The following PCSK6 variants were observed in gnomAD, a reference collection of about 807,000 sequenced individuals.
PCSK6 encodes paired basic amino acid cleaving enzyme 4.
A neutral mutation model predicts 123.3 loss-of-function variants in PCSK6; 85 were observed. The ratio of observed to expected loss-of-function variants is 0.69; its 90% CI spans 0.58 to 0.83. The LOEUF (loss-of-function observed/expected upper bound fraction) is 0.83. PCSK6 is among the 40% of genes least tolerant of loss of function. The probability of loss-of-function intolerance (pLI) is 0.00; values close to 1 mark genes in which losing one functional copy is unlikely to be tolerated. For missense variants in PCSK6, 1,191 were observed against 1,282.3 expected, an observed-to-expected ratio of 0.93 and a Z score of 1.09; for synonymous variants, 508 against 516.0, an observed-to-expected ratio of 0.98 and a Z score of 0.21.
rs374148254 is a variant in PCSK6, at chr15:101,358,764, T to C, written c.1858+7432A>G. 2.2e-4 allele frequency among the ~76,000 whole-genome samples: 33 copies of C among 152,294 alleles called. No individual in the cohort carries two copies. In the East Asian group the frequency reaches 2.7e-3, roughly 12 times the overall value. On this transcript the variant is annotated intron_variant, in intron 13 of 21. Coordinates refer to ENST00000611716, the MANE Select transcript of PCSK6 (RefSeq NM_002570.5). The stretch of plus-strand genomic sequence containing the variant: ...CAACCTGGAAAGGGCCGCTTGGCCT[T>C]TGTTTGAGCCCCTCTGACCCCTTTT...
chr15:101,348,863 G>A (rs987284368), intron 13 of PCSK6, among the ~76,000 whole-genome samples: 5 of 152,138 alleles, frequency 3.3e-5, no homozygotes, highest in Admixed American at 6.5e-5. Context: ...TCCAAATCCC[G>A]TTCAGGAGCT....
intron 6 of PCSK6, among the ~76,000 whole-genome samples, chr15:101,406,417 G>A (rs1308607046): frequency 6.6e-6 from 1 of 152,232 alleles, no homozygotes; most frequent in Non-Finnish European, 1.5e-5. Flanking sequence ...GTCGCTTCCT[G>A]AGTGTGACAA....
chr15:101,443,836 A>G (rs2056819998), intron 1 of PCSK6, among the ~76,000 whole-genome samples, 176 bp from the exon 2 acceptor site: 1 of 152,254 alleles, frequency 6.6e-6, no homozygotes, highest in Non-Finnish European at 1.5e-5. Flanking sequence ...ATAAACGTGA[A>G]GGTGGATTCA....
At chr15:101,357,780 T>G (rs1342387790) in intron 13 of PCSK6, among the ~76,000 whole-genome samples, 3 of 152,210 alleles carry the variant, frequency 2.0e-5, no homozygotes, top group Non-Finnish European at 4.4e-5. Context: ...GACACGGATT[T>G]TCACCCTTCC....
chr15:101,466,497 A>G (rs1332878645), intron 1 of PCSK6, among the ~76,000 whole-genome samples: 1 of 152,184 alleles, frequency 6.6e-6, no homozygotes, highest in Non-Finnish European at 1.5e-5. Flanking sequence ...ACAGCTAGAT[A>G]AGCTCCCTAG....
In PCSK6 at chr15:101,304,694, A is replaced by T. The variant is rs1378381014; in HGVS notation, c.*564T>A. ...CAGAAGTAGCTGACTATGTAGAAAT[A>T]GATACTCCGGCCCCAGTGGTCATAC... is the stretch of plus-strand genomic sequence containing the variant. On this transcript the variant is annotated 3_prime_UTR_variant, in exon 22 of 22. Coordinates refer to ENST00000611716, the MANE Select transcript of PCSK6 (RefSeq NM_002570.5). 6.6e-6 allele frequency: 1 copy of T among 152,512 alleles called. No homozygotes were observed. Among genetic ancestry groups the T allele is most frequent in the African/African-American group, 2.4e-5 (1 of 41,450 alleles). The allele number at this position is 152,512 out of a possible 1,614,324, so 9.4% of individuals were successfully genotyped here.
At chr15:101,387,257 C>T (rs774900877) in intron 9 of PCSK6, among the ~76,000 whole-genome samples, 5 of 152,206 alleles carry the variant, frequency 3.3e-5, no homozygotes, top group Non-Finnish European at 7.3e-5. Context: ...AGCCCATGGC[C>T]GTGCACCCTG....
In PCSK6 at chr15:101,478,858, G is replaced by T. The variant is rs1278008801; in HGVS notation, c.297+10516C>A. Among the ~76,000 whole-genome samples, 4 of 152,228 alleles carry T rather than the reference G, an allele frequency of 2.6e-5. No homozygotes were observed. In the East Asian group the frequency reaches 7.7e-4, roughly 29 times the overall value. ...CTATACAGAAACATCACAAATATTT[G>T]CTGCTCACAAACCTGCTAGAGCTCA... On this transcript the variant is annotated intron_variant, in intron 1 of 21. Coordinates refer to ENST00000611716, the MANE Select transcript of PCSK6 (RefSeq NM_002570.5).
At chr15:101,472,986 C>T (rs2057642740) in intron 1 of PCSK6, among the ~76,000 whole-genome samples, 1 of 152,176 alleles carries the variant, frequency 6.6e-6, no homozygotes. Context: ...TAGTTCTGGT[C>T]CCTCAATGTG....
chr15:101,478,992 T>C (rs1420365778), intron 1 of PCSK6, among the ~76,000 whole-genome samples: 1 of 152,242 alleles, frequency 6.6e-6, no homozygotes, highest in East Asian at 1.9e-4. Context: ...TAAAAAATTC[T>C]AACAATTTCT....
At chr15:101,439,810 G>T (rs1448779963) in intron 2 of PCSK6, among the ~76,000 whole-genome samples, 1 of 152,172 alleles carries the variant, frequency 6.6e-6, no homozygotes, top group Non-Finnish European at 1.5e-5. Context: ...CAATCATTTT[G>T]CAACTTCTAA....
At chr15:101,458,169 T>C (rs560811146) in intron 1 of PCSK6, among the ~76,000 whole-genome samples, 1 of 152,324 alleles carries the variant, frequency 6.6e-6, no homozygotes, top group African/African-American at 2.4e-5. Context: ...TAAAGACCTA[T>C]GTGACTGCCA....
At chr15:101,478,413 G>C (rs542852079) in intron 1 of PCSK6, among the ~76,000 whole-genome samples, 117 of 152,316 alleles carry the variant, frequency 7.7e-4, no homozygotes, top group Admixed American at 5.9e-4. Context: ...GCACGAGCCA[G>C]ACTGCTTCTT....
intron 1 of PCSK6, among the ~76,000 whole-genome samples, chr15:101,447,546 G>A (rs191556851): frequency 1.1e-4 from 17 of 152,320 alleles, no homozygotes; most frequent in East Asian, 5.8e-4. Context: ...ACAGATACAC[G>A]AGTAGGGTTT....
chr15:101,321,659 G>A (rs1178511754), intron 18 of PCSK6, among the ~76,000 whole-genome samples: 1 of 152,272 alleles, frequency 6.6e-6, no homozygotes, highest in Non-Finnish European at 1.5e-5. Flanking sequence ...AGACGGGGCT[G>A]GGGGTGTGTT....
At chr15:101,486,803 G>A (rs544686348) in intron 1 of PCSK6, among the ~76,000 whole-genome samples, 1 of 152,350 alleles carries the variant, frequency 6.6e-6, no homozygotes, top group African/African-American at 2.4e-5. Context: ...GAAAACCAGG[G>A]CTGCGATTCA....
chr15:101,314,842 G>A (rs1221554678), intron 19 of PCSK6, among the ~76,000 whole-genome samples: 1 of 152,196 alleles, frequency 6.6e-6, no homozygotes, highest in Non-Finnish European at 1.5e-5. Flanking sequence ...TGTGCCCCGG[G>A]GGCGGGACTC....
intron 18 of PCSK6, 52 bp from the exon 19 acceptor site, chr15:101,318,474 T>C: frequency 7.1e-7 from 1 of 1,417,038 alleles, no homozygotes; most frequent in Non-Finnish European, 9.8e-7. Context: ...AGTCTAATTA[T>C]GACTTGCCCT....
chr15:101,370,497 C>T lies in PCSK6; in HGVS notation c.1559G>A (p.Arg520Gln), dbSNP rs762759020. The change falls in exon 12 of 22, where the codon CGG (arginine) becomes CAG (glutamine). Residue 520 changes from arginine (R) to glutamine (Q), a missense_variant. Transcript: ENST00000611716. Reference sequence around the variant, plus strand: ...GCAGGCGCTGGTCAGGGCCGTAGTCCGCAGCACCTGCACTAAGGGGATGCT... The same window carrying T: ...GCAGGCGCTGGTCAGGGCCGTAGTCTGCAGCACCTGCACTAAGGGGATGCT... ...PRSIPLVQVL[R>Q]TTALTSACAE... The T allele has an allele frequency of 2.0e-5, 30 of 1,529,538 alleles. No homozygotes were observed. Among genetic ancestry groups the T allele is most frequent in the East Asian group, 1.7e-4 (7 of 40,352 alleles). 94.7% of individuals were successfully genotyped at this position (1,529,538 alleles called of 1,614,324 possible).
Sources: allele counts gnomAD v4.1 joint callset (sites outside exome capture counted in the v4.1 genomes callset), GRCh38; gene constraint gnomAD v4.1.1; transcripts MANE v1.5; gene names NCBI Gene and HGNC (gene_info 2026-07-23, HGNC 2026-07-21).